Variants in FLNB observed in about 807,000 individuals in gnomAD.
FLNB encodes filamin B, also known as filamin-B.
In FLNB, 111 loss-of-function variants were observed where a neutral mutation model predicts 250.6. That is an observed-to-expected ratio of 0.44 (90% confidence interval 0.38 to 0.52). The LOEUF is 0.52. Ranked by LOEUF, FLNB falls within the 20% of genes least tolerant of loss-of-function variation. The pLI, the probability that FLNB is intolerant of heterozygous loss-of-function variation, is 0.00. For synonymous variants in FLNB, 1,302 were observed against 1,372.1 expected (o/e 0.95, Z 1.13); for missense variants, 2,869 against 3,447.8 (o/e 0.83, Z 4.20).
intron 1 of FLNB, among the ~76,000 whole-genome samples, chr3:58,033,062 G>C (rs2097133156): frequency 6.6e-6 from 1 of 152,164 alleles, no homozygotes; most frequent in Non-Finnish European, 1.5e-5. Context: ...AAAAGAGTGA[G>C]ACATTGTCTC....
In FLNB at chr3:58,056,101, A is replaced by ATT. The variant is rs1170400791; in HGVS notation, c.293-20943_293-20942dup. 6.1e-5 allele frequency among the ~76,000 whole-genome samples: 8 copies of ATT among 131,182 alleles called. No homozygotes were observed. In the South Asian group the frequency reaches 8.8e-4, roughly 14 times the overall value. 86.1% of individuals were successfully genotyped at this position (131,182 alleles called of 152,430 possible). On this transcript the variant is annotated intron_variant, in intron 1 of 45. Transcript: ENST00000295956. ...TATTTATTTATTTATTTATTTATTT[A>ATT]TTTATTTTTTTTTTTTTTGAGGTGG...
At chr3:58,020,719 G>GAAA (rs10716613) in intron 1 of FLNB, among the ~76,000 whole-genome samples, 1 of 125,208 alleles carries the variant, frequency 8.0e-6, no homozygotes, top group African/African-American at 2.9e-5. Flanking sequence ...TTCCTTTCCA[G>GAAA]AAAAAAAAAA....
intron 43 of FLNB, chr3:58,166,196 C>T (rs1478676382): frequency 1.3e-5 from 2 of 152,240 alleles, no homozygotes; most frequent in Non-Finnish European, 2.9e-5. Flanking sequence ...AGTAGTAGCT[C>T]TTGTCCCATA....
In FLNB at chr3:58,109,291, G is replaced by A; in HGVS notation, c.2168G>A (p.Gly723Glu). The part of the protein sequence containing the change: ...AIKHTIAVVW[G>E]GVNIPHSPYR... ...AAGCACACCATTGCTGTGGTCTGGG[G>A]AGGCGTGAACATCCCGCACAGCCCC... The change falls in exon 14 of 46, where the codon GGA (glycine) becomes GAA (glutamate). Residue 723 changes from glycine to glutamate, a missense_variant. By Grantham distance (98) the Gly-to-Glu change is moderately conservative (BLOSUM62 -2). Coordinates refer to ENST00000295956, the MANE Select transcript of FLNB (RefSeq NM_001457.4). The A allele has an allele frequency of 1.2e-6, 2 of 1,614,182 alleles. No individual in the cohort carries two copies. Among genetic ancestry groups the A allele is most frequent in the Non-Finnish European group, 1.7e-6 (2 of 1,180,016 alleles).
chr3:58,070,762 C>T (rs1290726419), intron 1 of FLNB, among the ~76,000 whole-genome samples: 2 of 150,302 alleles, frequency 1.3e-5, no homozygotes, highest in African/African-American at 2.5e-5. Flanking sequence ...TGGGTTCAGG[C>T]GATTCTCTTG....
chr3:58,044,783 C>G lies in FLNB; in HGVS notation c.293-32263C>G, dbSNP rs1421881780. ...CACCTTGGGACCCCCCTGAACTTGCCTCTGCTCCAGTGTGGGCCCTTCCTT... is the reference window on the plus strand; with the variant it reads ...CACCTTGGGACCCCCCTGAACTTGCGTCTGCTCCAGTGTGGGCCCTTCCTT... On this transcript the variant is annotated intron_variant, in intron 1 of 45. Coordinates refer to ENST00000295956, the MANE Select transcript of FLNB (RefSeq NM_001457.4). Among the ~76,000 whole-genome samples the G allele has an allele frequency of 2.6e-5, 4 of 152,194 alleles. No individual in the cohort carries two copies. The South Asian group carries it at 6.2e-4, about 24-fold the overall frequency.
At chr3:58,106,945 C>G (rs2097260748) in intron 12 of FLNB, 72 bp downstream of exon 12, 1 of 1,257,832 alleles carries the variant, frequency 8.0e-7, no homozygotes. Flanking sequence ...CCGAAGTTGC[C>G]TTAAGCAGCA....
chr3:58,121,671 C>T (rs1416963565), intron 20 of FLNB, among the ~76,000 whole-genome samples, 168 bp downstream of exon 20: 1 of 152,178 alleles, frequency 6.6e-6, no homozygotes, highest in Non-Finnish European at 1.5e-5. Flanking sequence ...AACCCTGCTC[C>T]TCCTCTTGCT....
intron 1 of FLNB, among the ~76,000 whole-genome samples, chr3:58,015,501 T>C (rs917047351): frequency 6.6e-6 from 1 of 152,162 alleles, no homozygotes; most frequent in Admixed American, 6.5e-5. Context: ...AAAGCCCATC[T>C]CTGAACCAGG....
intron 44 of FLNB, 31 bp downstream of exon 44, chr3:58,168,689 C>T (rs1229996083): frequency 2.7e-6 from 4 of 1,493,374 alleles, no homozygotes; most frequent in African/African-American, 2.8e-5. Context: ...GAGTTACTCT[C>T]CCTTCCTGGG....
At chr3:58,108,596 C>T (rs778251880) in intron 13 of FLNB, 25 bp downstream of exon 13, 1 of 1,450,440 alleles carries the variant, frequency 6.9e-7, no homozygotes. Context: ...GCCACCTGTG[C>T]AGGTAATTGT....
intron 26 of FLNB, 144 bp downstream of exon 26, chr3:58,133,075 C>T (rs1489724570): frequency 5.4e-6 from 5 of 921,838 alleles, no homozygotes; most frequent in African/African-American, 1.6e-5. Context: ...ATCCATCCAC[C>T]CATCCATTCC....
intron 26 of FLNB, among the ~76,000 whole-genome samples, chr3:58,133,572 G>C (rs1378016664): frequency 1.3e-5 from 2 of 150,728 alleles, no homozygotes; most frequent in African/African-American, 2.4e-5. Flanking sequence ...ATTGGGACAG[G>C]ACAAAGGTCT....
intron 5 of FLNB, among the ~76,000 whole-genome samples, chr3:58,095,225 G>GTATTTATTTATTTATTTATTTATTTATT (rs200336490): frequency 1.2e-4 from 12 of 96,068 alleles, no homozygotes; most frequent in African/African-American, 4.1e-4. Flanking sequence ...TGAGGTTTAT[G>GTATTTATTTATTTATTTATTTATTTATT]TATGTATTTA....
At chr3:58,024,958 G>T (rs533976272) in intron 1 of FLNB, among the ~76,000 whole-genome samples, 1 of 148,424 alleles carries the variant, frequency 6.7e-6, no homozygotes, top group East Asian at 2.0e-4. Context: ...TACTCTGCCC[G>T]CCTCGGCCTC....
In FLNB at chr3:58,123,494, A is replaced by G. The variant is rs1559710463; in HGVS notation, c.3528A>G (p.Thr1176=). 1 of 1,603,860 alleles carries G rather than the reference A, an allele frequency of 6.2e-7. No individual in the cohort carries two copies. The highest frequency in any genetic ancestry group is 1.1e-5 in the South Asian group (1 of 90,454). Residue 1176 remains threonine (T), a synonymous_variant, in exon 21 of 46, where the codon ACA becomes ACG. Transcript: ENST00000295956. ...TGGAAGCTGTCTCGGACTCGGGAAC[A>G]AAAGCCGAAGTCAGTATTCAGAACA... ...LGLEAVSDSG[T]KAEVSIQNNK...
intron 1 of FLNB, among the ~76,000 whole-genome samples, chr3:58,036,021 T>C (rs1324813642): frequency 6.6e-6 from 1 of 152,222 alleles, no homozygotes; most frequent in African/African-American, 2.4e-5. Flanking sequence ...AACTCCTTAA[T>C]TAATTGACTC....
chr3:58,104,003 G>T lies in FLNB; in HGVS notation c.1528G>T (p.Val510Phe). 1.2e-6 allele frequency: 2 copies of T among 1,614,022 alleles called. No individual in the cohort carries two copies. Among genetic ancestry groups the T allele is most frequent in the Middle Eastern group, 1.7e-4 (1 of 6,058 alleles). Residue 510 changes from valine (V) to phenylalanine (F), a missense_variant, in exon 10 of 46, where the codon GTC (valine) becomes TTC (phenylalanine). Val to Phe is a conservative substitution (Grantham distance 50). Transcript: ENST00000295956. ...GAAGCAGAAAGACTTTCTGGATGGG[G>T]TCTACGCATTCGAGTATTACCCCAG... The part of the protein sequence containing the change: ...LVKQKDFLDG[V>F]YAFEYYPSTP...
intron 16 of FLNB, among the ~76,000 whole-genome samples, chr3:58,110,520 G>C (rs2107123411): frequency 6.6e-6 from 1 of 151,160 alleles, no homozygotes; most frequent in Middle Eastern, 3.4e-3. Context: ...GCATGATCTT[G>C]GCTCACTGCA....
Sources: allele counts gnomAD v4.1 joint callset (sites outside exome capture counted in the v4.1 genomes callset), GRCh38; gene constraint gnomAD v4.1.1; transcripts MANE v1.5; gene names NCBI Gene and HGNC (gene_info 2026-07-23, HGNC 2026-07-21).